BCL2L1: variants seen among roughly 807,000 people sequenced by gnomAD.
BCL2L1 encodes BCL2 like 1, also known as bcl-2-like protein 1.
BCL2L1 carries 1 observed loss-of-function variant against 18.7 expected under a neutral mutation model. The ratio of observed to expected loss-of-function variants is 0.05; its 90% CI spans 0.02 to 0.25. The LOEUF (loss-of-function observed/expected upper bound fraction) is 0.25. Among genes scored for constraint, BCL2L1 ranks in the 10% least tolerant of loss-of-function variants. BCL2L1 has a pLI of 1.00. For missense variants in BCL2L1, 207 were observed against 304.9 expected, an observed-to-expected ratio of 0.68 and a Z score of 2.39; for synonymous variants, 103 against 122.7, an observed-to-expected ratio of 0.84 and a Z score of 1.06.
At chr20:31,672,520 G>T (rs2060687032) in intron 2 of BCL2L1, among the ~76,000 whole-genome samples, 1 of 152,090 alleles carries the variant, frequency 6.6e-6, no homozygotes, top group African/African-American at 2.4e-5. Flanking sequence ...GCCCTGAGGT[G>T]GGAGGGAGAG....
intron 2 of BCL2L1, among the ~76,000 whole-genome samples, chr20:31,703,620 T>G (rs555561629): frequency 6.6e-6 from 1 of 150,774 alleles, no homozygotes; most frequent in East Asian, 1.9e-4. Flanking sequence ...GCCTCCCGAG[T>G]AGCTGAGAAT....
intron 2 of BCL2L1, among the ~76,000 whole-genome samples, chr20:31,688,242 G>C (rs896303078): frequency 2.0e-5 from 3 of 152,000 alleles, no homozygotes; most frequent in Non-Finnish European, 4.4e-5. Context: ...TCTGGAGTTT[G>C]AGACCAGCCT....
At chr20:31,701,195 A>C (rs1019797784) in intron 2 of BCL2L1, among the ~76,000 whole-genome samples, 1 of 152,114 alleles carries the variant, frequency 6.6e-6, no homozygotes, top group Non-Finnish European at 1.5e-5. Context: ...CTGGGATTAC[A>C]GGCACGCGCC....
At chr20:31,715,257 GAA>G (rs2061513791) in intron 2 of BCL2L1, among the ~76,000 whole-genome samples, 1 of 140,850 alleles carries the variant, frequency 7.1e-6, no homozygotes, top group Non-Finnish European at 1.5e-5. Flanking sequence ...GGGAGACAGA[GAA>G]AGACTCTGTC....
At chr20:31,713,227 C>T (rs2061479376) in intron 2 of BCL2L1, 1 of 969,318 alleles carries the variant, frequency 1.0e-6, no homozygotes, top group African/African-American at 1.8e-5. Flanking sequence ...ACAGCCTAGC[C>T]TAGGGTAGGG....
At chr20:31,713,750 GAATT>G in intron 2 of BCL2L1, among the ~76,000 whole-genome samples, 1 of 152,270 alleles carries the variant, frequency 6.6e-6, no homozygotes, top group Middle Eastern at 3.4e-3. Context: ...TTAAAAGAAT[GAATT>G]AATTCACCCA....
upstream of BCL2L1, chr20:31,723,494 G>A (rs1232621940): frequency 2.0e-6 from 2 of 985,316 alleles, no homozygotes; most frequent in Admixed American, 6.1e-5. Flanking sequence ...AGGGTGGGCC[G>A]GCTGCGGCCT....
intron 2 of BCL2L1, among the ~76,000 whole-genome samples, chr20:31,685,096 AT>A (rs1326899703): frequency 6.6e-6 from 1 of 152,118 alleles, no homozygotes; most frequent in Non-Finnish European, 1.5e-5. Context: ...CTTCTAGTAT[AT>A]TTTTATTAAG....
intron 2 of BCL2L1, among the ~76,000 whole-genome samples, chr20:31,689,834 G>A (rs1252063202): frequency 6.6e-6 from 1 of 152,192 alleles, no homozygotes; most frequent in Non-Finnish European, 1.5e-5. Flanking sequence ...TGACCAACAT[G>A]GAGAAATCCT....
intron 2 of BCL2L1, among the ~76,000 whole-genome samples, chr20:31,671,884 T>C (rs1462375352): frequency 1.3e-5 from 2 of 148,424 alleles, no homozygotes; most frequent in Non-Finnish European, 3.0e-5. Context: ...ATATGTAGTA[T>C]ATATAGTACT....
chr20:31,693,112 G>T (rs2061108825), intron 2 of BCL2L1, among the ~76,000 whole-genome samples: 1 of 124,028 alleles, frequency 8.1e-6, no homozygotes, highest in Admixed American at 8.7e-5. Context: ...GCATGTAGAA[G>T]AATATCCTAT....
chr20:31,722,066 G>T lies in BCL2L1; in HGVS notation c.153C>A (p.Ile51=). ...CCAGGTGCCAGGATGGGTTGCCATT[G>T]ATGGCACTGGGGGTCTCCATCTCCG... ...TESEMETPSA[I]NGNPSWHLAD... The change falls in exon 2 of 3, where the codon ATC becomes ATA. Residue 51 remains isoleucine (I), a synonymous_variant. Transcript: ENST00000307677. 5 of 1,601,144 alleles carry T rather than the reference G, an allele frequency of 3.1e-6. No homozygotes were observed. Among genetic ancestry groups the T allele is most frequent in the Non-Finnish European group, 4.3e-6 (5 of 1,173,012 alleles).
intron 2 of BCL2L1, 32 bp from the exon 3 acceptor site, chr20:31,666,118 A>C (rs1308911182): frequency 6.2e-7 from 1 of 1,612,540 alleles, no homozygotes. Flanking sequence ...GTGCAGTTTT[A>C]GTCCTCAGAG....
chr20:31,675,607 C>T (rs181861195), intron 2 of BCL2L1, among the ~76,000 whole-genome samples: 117 of 152,256 alleles, frequency 7.7e-4, no homozygotes, highest in African/African-American at 2.6e-3. Flanking sequence ...CTCTCCCCCA[C>T]GGAAACATAG....
At chr20:31,684,807 T>C (rs946906274) in intron 2 of BCL2L1, among the ~76,000 whole-genome samples, 1 of 152,308 alleles carries the variant, frequency 6.6e-6, no homozygotes, top group African/African-American at 2.4e-5. Context: ...ATGTTGTAAC[T>C]GCCAAGCCAG....
Position 31,664,665 on chromosome 20 carries a change from C to T in BCL2L1, c.*1284G>A, listed in dbSNP as rs903304395. Reference sequence around the variant, plus strand: ...CGGGCACCAGCTCTCCACGTGCACGCGCACTGCAAGCCAGCAGCTCCTCAC... The same window carrying T: ...CGGGCACCAGCTCTCCACGTGCACGTGCACTGCAAGCCAGCAGCTCCTCAC... On this transcript the variant is annotated 3_prime_UTR_variant, in exon 3 of 3. Transcript: ENST00000307677. 8 of 214,734 alleles carry T rather than the reference C, an allele frequency of 3.7e-5. No homozygotes were observed. Among genetic ancestry groups the T allele is most frequent in the Non-Finnish European group, 4.7e-5 (5 of 105,846 alleles). 13.3% of individuals were successfully genotyped at this position (214,734 alleles called of 1,614,324 possible).
At chr20:31,694,237 G>A (rs763481647) in intron 2 of BCL2L1, among the ~76,000 whole-genome samples, 1 of 152,110 alleles carries the variant, frequency 6.6e-6, no homozygotes, top group Non-Finnish European at 1.5e-5. Flanking sequence ...CAGATGGGTG[G>A]TGGGCTTCTG....
chr20:31,682,669 G>C (rs1204611176), intron 2 of BCL2L1, among the ~76,000 whole-genome samples: 1 of 151,826 alleles, frequency 6.6e-6, no homozygotes, highest in Non-Finnish European at 1.5e-5. Context: ...TGCCCAGTCT[G>C]GTCCTGAACT....
intron 2 of BCL2L1, among the ~76,000 whole-genome samples, chr20:31,680,771 T>C (rs1008956963): frequency 3.9e-5 from 6 of 152,176 alleles, no homozygotes; most frequent in Non-Finnish European, 7.3e-5. Flanking sequence ...CGTACCTGTA[T>C]GAGTTTATAA....
Sources: allele counts gnomAD v4.1 joint callset (sites outside exome capture counted in the v4.1 genomes callset), GRCh38; gene constraint gnomAD v4.1.1; transcripts MANE v1.5; gene names NCBI Gene and HGNC (gene_info 2026-07-23, HGNC 2026-07-21).